The following RBFOX1 variants were observed in gnomAD, a reference collection of about 807,000 sequenced individuals.
RBFOX1 encodes RNA binding protein fox-1 homolog 1.
A neutral mutation model predicts 57.7 loss-of-function variants in RBFOX1; 8 were observed. That is an observed-to-expected ratio of 0.14 (90% CI 0.08 to 0.25). The LOEUF (loss-of-function observed/expected upper bound fraction) is 0.25. Among genes scored for constraint, RBFOX1 ranks in the 10% least tolerant of loss-of-function variants. RBFOX1 has a pLI of 1.00. For synonymous variants in RBFOX1, 326 were observed against 222.4 expected (o/e 1.47, Z -4.15); for missense variants, 611 against 548.5 (o/e 1.11, Z -1.14).
chr16:5,436,337 T>C (rs1427836048), intron 1 of RBFOX1, among the ~76,000 whole-genome samples: 1 of 152,170 alleles, frequency 6.6e-6, no homozygotes, highest in Non-Finnish European at 1.5e-5. Flanking sequence ...GGTGGATTAG[T>C]TCAGGGGCTA....
chr16:6,983,089 GCT>G (rs1220700322), intron 3 of RBFOX1, among the ~76,000 whole-genome samples: 6 of 149,442 alleles, frequency 4.0e-5, no homozygotes, highest in African/African-American at 1.5e-4. Context: ...GAGTGGCCAT[GCT>G]GAGACATGAG....
intron 3 of RBFOX1, among the ~76,000 whole-genome samples, chr16:6,968,620 G>A (rs1260794079): frequency 6.6e-6 from 1 of 152,006 alleles, no homozygotes; most frequent in Non-Finnish European, 1.5e-5. Flanking sequence ...GTCAGTTTCA[G>A]TTTGCATTTA....
At chr16:6,493,665 G>A (rs1044065201) in intron 2 of RBFOX1, among the ~76,000 whole-genome samples, 14 of 152,008 alleles carry the variant, frequency 9.2e-5, no homozygotes, top group African/African-American at 3.4e-4. Context: ...TTGCTGTAAG[G>A]GCAGATAAAA....
intron 2 of RBFOX1, among the ~76,000 whole-genome samples, chr16:6,326,865 C>T (rs1040304033): frequency 2.6e-5 from 4 of 152,120 alleles, no homozygotes; most frequent in Admixed American, 1.3e-4. Flanking sequence ...ACACTACAGC[C>T]GGTGCAGGTG....
chr16:6,631,488 T>G (rs2098384326), intron 2 of RBFOX1, among the ~76,000 whole-genome samples: 1 of 152,086 alleles, frequency 6.6e-6, no homozygotes, highest in East Asian at 1.9e-4. Context: ...CATCACATTC[T>G]TAAAGTTACT....
intron 1 of RBFOX1, among the ~76,000 whole-genome samples, chr16:5,320,913 C>T (rs2064384746): frequency 1.3e-5 from 2 of 152,178 alleles, no homozygotes; most frequent in South Asian, 4.1e-4. Context: ...CCAGGGGCGG[C>T]CCTGCCTCTG....
chr16:5,743,376 T>C (rs1171990004), intron 3 of RBFOX1, among the ~76,000 whole-genome samples: 2 of 152,160 alleles, frequency 1.3e-5, no homozygotes, highest in African/African-American at 4.8e-5. Context: ...ATATCAGAGT[T>C]CTCTTAAACC....
chr16:6,153,044 T>G (rs1215612679), intron 1 of RBFOX1, among the ~76,000 whole-genome samples: 1 of 151,250 alleles, frequency 6.6e-6, no homozygotes, highest in East Asian at 1.9e-4. Flanking sequence ...TTTTTTTTTT[T>G]TTTTTGTTAA....
intron 2 of RBFOX1, among the ~76,000 whole-genome samples, chr16:6,533,978 T>G (rs1300977288): frequency 6.6e-6 from 1 of 152,124 alleles, no homozygotes; most frequent in Non-Finnish European, 1.5e-5. Flanking sequence ...TATATATGTG[T>G]GTATATATAC....
At chr16:6,866,122 C>A (rs1357200051) in intron 3 of RBFOX1, among the ~76,000 whole-genome samples, 1 of 152,166 alleles carries the variant, frequency 6.6e-6, no homozygotes, top group East Asian at 1.9e-4. Context: ...CCTTTTCTTT[C>A]CCCAGCTCTT....
chr16:7,080,481 A>C (rs763092510), intron 4 of RBFOX1, among the ~76,000 whole-genome samples: 1 of 152,136 alleles, frequency 6.6e-6, no homozygotes, highest in Non-Finnish European at 1.5e-5. Flanking sequence ...CTCATTCCTT[A>C]GGGAATGTGT....
At chr16:5,709,791 G>T (rs1202788121) in intron 3 of RBFOX1, among the ~76,000 whole-genome samples, 2 of 85,986 alleles carry the variant, frequency 2.3e-5, no homozygotes, top group African/African-American at 4.7e-5. Flanking sequence ...TAATCTACTG[G>T]GTGTTGTATC....
chr16:6,248,557 A>T (rs1216547046), intron 1 of RBFOX1, among the ~76,000 whole-genome samples: 2 of 152,160 alleles, frequency 1.3e-5, no homozygotes, highest in Non-Finnish European at 2.9e-5. Context: ...GAGAAGGGGG[A>T]AGATCCCCGA....
chr16:5,954,385 C>T (rs757444453), intron 4 of RBFOX1, among the ~76,000 whole-genome samples: 3 of 151,898 alleles, frequency 2.0e-5, no homozygotes, highest in East Asian at 1.9e-4. Flanking sequence ...TCTCTTCTTT[C>T]GCCACCACCG....
At chr16:7,539,496 G>C (rs1038270386) in intron 5 of RBFOX1, among the ~76,000 whole-genome samples, 1 of 152,164 alleles carries the variant, frequency 6.6e-6, no homozygotes. Flanking sequence ...GAGAAGCCCA[G>C]GTGACATATT....
intron 3 of RBFOX1, among the ~76,000 whole-genome samples, chr16:6,917,381 A>T (rs1220676550): frequency 6.6e-6 from 1 of 152,182 alleles, no homozygotes; most frequent in African/African-American, 2.4e-5. Flanking sequence ...AGAGTTTCTG[A>T]ACTTGAGTGT....
rs147328532 is a variant in RBFOX1, at chr16:6,149,484, G to C, written c.-127+129492G>C. 1.3e-5 allele frequency among the ~76,000 whole-genome samples: 2 copies of C among 152,186 alleles called. 1 individual carries two copies. The highest frequency in any genetic ancestry group is 4.1e-4 in the South Asian group (2 of 4,826). ...TCTTGAAATTCTTAGTAATTATTCC[G>C]TGATGGGACATGCATTTTCATTTTT... On this transcript the variant is annotated intron_variant, in intron 1 of 15. Coordinates refer to ENST00000550418, the MANE Select transcript of RBFOX1 (RefSeq NM_018723.4).
intron 1 of RBFOX1, among the ~76,000 whole-genome samples, chr16:6,142,532 A>T (rs547404916): frequency 6.6e-6 from 1 of 152,046 alleles, no homozygotes; most frequent in South Asian, 2.1e-4. Context: ...AAAAAATCCA[A>T]CTCTTTAGAA....
chr16:5,486,454 G>C (rs2151657782), intron 2 of RBFOX1, among the ~76,000 whole-genome samples: 1 of 152,344 alleles, frequency 6.6e-6, no homozygotes, highest in Admixed American at 6.5e-5. Flanking sequence ...TGTACAGAGT[G>C]ATCTGTTTTG....
Sources: gnomAD v4.1 joint callset for allele counts (sites outside exome capture counted in the v4.1 genomes callset) on GRCh38, gnomAD v4.1.1 for gene constraint, MANE v1.5 for transcripts, NCBI Gene and HGNC (gene_info 2026-07-23, HGNC 2026-07-21) for gene names.